Variants in PRX observed in about 807,000 individuals in gnomAD.
PRX encodes periaxin.
A neutral mutation model predicts 29.6 loss-of-function variants in PRX; 24 were observed. The observed-to-expected ratio is 0.81, with a 90% confidence interval of 0.59 to 1.14. The LOEUF (loss-of-function observed/expected upper bound fraction) is 1.14. PRX is among the 50% of genes most tolerant of loss of function. The pLI, the probability that PRX is intolerant of heterozygous loss-of-function variation, is 0.00. For missense variants in PRX, 1,838 were observed against 1,926.4 expected (o/e 0.95, Z 0.86); for synonymous variants, 772 against 831.7 (o/e 0.93, Z 1.24).
Position 40,397,782 on chromosome 19 carries a change from C to T in PRX, c.570G>A (p.Leu190=). The change falls in exon 7 of 7, where the codon CTG becomes CTA. Residue 190 remains leucine (L), a synonymous_variant. Transcript: ENST00000324001. ...CCACTTCTCGTACACGCAGCCGAGGCAGCTGGAGGCGCCGGCGGGCAGGGG... is the reference window on the plus strand; with the variant it reads ...CCACTTCTCGTACACGCAGCCGAGGTAGCTGGAGGCGCCGGCGGGCAGGGG... ...PAAPARRRLQ[L]PRLRVREVAE... 6.4e-7 allele frequency: 1 copy of T among 1,572,294 alleles called. No individual in the cohort carries two copies. The highest frequency in any genetic ancestry group is 8.6e-7 in the Non-Finnish European group (1 of 1,159,350).
At chr19:40,399,851 CTT>C (rs1309452024) in intron 5 of PRX, among the ~76,000 whole-genome samples, 1 of 12,706 alleles carries the variant, frequency 7.9e-5, no homozygotes, top group South Asian at 2.5e-3. Flanking sequence ...GCTTTCTTTC[CTT>C]TCTTTCTTTC....
In PRX at chr19:40,395,194, TC is replaced by T. The variant is rs1394825128; in HGVS notation, c.3157del (p.Asp1053MetfsTer4). ...CAGCTTGGGCATCTTCACCCTCCCA[TC>T]CCAGCCCCAGCCCTTGCCCTCCAAC... ...AELEGKGWGW[D>X]GRVKMPKLKM... On this transcript the variant is annotated frameshift_variant, in exon 7 of 7. Coordinates refer to ENST00000324001, the MANE Select transcript of PRX (RefSeq NM_181882.3). LOFTEE classifies it low-confidence loss of function (END_TRUNC). 1.2e-6 allele frequency: 2 copies of T among 1,613,880 alleles called. No individual in the cohort carries two copies. Among genetic ancestry groups the T allele is most frequent in the Non-Finnish European group, 1.7e-6 (2 of 1,179,990 alleles).
At chr19:40,408,105 G>A in intron 3 of PRX, 53 bp downstream of exon 3, 1 of 838,396 alleles carries the variant, frequency 1.2e-6, no homozygotes, top group Non-Finnish European at 1.9e-6. Context: ...CAGGGAGAAA[G>A]CAGGGTGGGT....
rs766472508 is a variant in PRX, at chr19:40,398,542, G to A, written c.381+78C>T. The A allele has an allele frequency of 6.3e-7, 1 of 1,594,862 alleles. No individual in the cohort carries two copies. Among genetic ancestry groups the A allele is most frequent in the East Asian group, 2.2e-5 (1 of 44,536 alleles). ...ACAGAGGGCAAGGCTGGCCCACGAT[G>A]GCGGGGAATGGGGCTCACGGCGCAG... On this transcript the variant is annotated intron_variant, in intron 6 of 6. Transcript: ENST00000324001. The surrounding 1 kb of genome is among the most constrained non-coding windows in gnomAD (Gnocchi z 6.3).
At chr19:40,413,588 G>A (rs2079569276), upstream of PRX, among the ~76,000 whole-genome samples, 1 of 152,180 alleles carries the variant, frequency 6.6e-6, no homozygotes, top group Admixed American at 6.6e-5. Context: ...CGAGATCTCT[G>A]CCATGAGCTC....
chr19:40,414,390 C>T (rs1401560249), upstream of PRX, among the ~76,000 whole-genome samples: 1 of 152,186 alleles, frequency 6.6e-6, no homozygotes, highest in Non-Finnish European at 1.5e-5. Context: ...TCCCAAAGTT[C>T]TGGGATTACA....
rs753330520 is a variant in PRX at position 40,397,430 on chromosome 19, T to C, written c.922A>G (p.Thr308Ala). ...PALPSLPTLP[T>A]LPCLETREGA... is the part of the protein sequence containing the mutation. The stretch of plus-strand genomic sequence containing the variant: ...TCCCGGGTCTCTAGGCAGGGAAGTG[T>C]GGGCAGAGTGGGCAGTGAGGGCAAG... Residue 308 changes from threonine (T) to alanine (A), a missense_variant, in exon 7 of 7, where the codon ACA (threonine) becomes GCA (alanine). Coordinates refer to ENST00000324001, the MANE Select transcript of PRX (RefSeq NM_181882.3). 64 of 1,599,400 alleles carry C rather than the reference T, an allele frequency of 4.0e-5. No individual in the cohort carries two copies. Among genetic ancestry groups the C allele is most frequent in the Non-Finnish European group, 5.4e-5 (63 of 1,174,090 alleles).
Position 40,410,215 on chromosome 19 carries a change from C to T in PRX, c.-242-1832G>A, listed in dbSNP as rs553625141. On this transcript the variant is annotated intron_variant, in intron 1 of 6. Coordinates refer to ENST00000324001, the MANE Select transcript of PRX (RefSeq NM_181882.3). ...TGGAGATGAATACTCTCTCCCCCAACCCCCGACTCTGGGCTTGTCCTCACA... is the reference window on the plus strand; with the variant it reads ...TGGAGATGAATACTCTCTCCCCCAATCCCCGACTCTGGGCTTGTCCTCACA... 5.3e-5 allele frequency among the ~76,000 whole-genome samples: 8 copies of T among 152,284 alleles called. No homozygotes were observed. In the South Asian group the frequency reaches 1.7e-3, roughly 32 times the overall value.
intron 1 of PRX, among the ~76,000 whole-genome samples, chr19:40,412,066 C>T (rs910794658): frequency 3.9e-5 from 6 of 152,214 alleles, no homozygotes; most frequent in East Asian, 1.9e-4. Context: ...GGTTGTCATT[C>T]GGAGGCTGCT....
At position 40,394,214 on chromosome 19, in the gene PRX, G is replaced by C; in HGVS notation, c.4138C>G (p.Arg1380Gly). 1 of 1,598,304 alleles carries C rather than the reference G, an allele frequency of 6.3e-7. No homozygotes were observed. Among genetic ancestry groups the C allele is most frequent in the Non-Finnish European group, 8.6e-7 (1 of 1,169,366 alleles). ...TTAGAAGGGGCCGCCAGGCCTACACGTGGCAAGCGGACCCGGACCCGGCCC... is the reference window on the plus strand; with the variant it reads ...TTAGAAGGGGCCGCCAGGCCTACACCTGGCAAGCGGACCCGGACCCGGCCC... ...RRGRVRVRLP[R>G]VGLAAPSKAS... Residue 1380 changes from arginine (R) to glycine (G), a missense_variant, in exon 7 of 7, where the codon CGT (arginine) becomes GGT (glycine). By Grantham distance (125) the Arg-to-Gly change is moderately radical. Coordinates refer to ENST00000324001, the MANE Select transcript of PRX (RefSeq NM_181882.3). This position sits in a 1 kb window ranked among gnomAD's most constrained non-coding sequence, Gnocchi z 5.8.
Position 40,397,507 on chromosome 19 carries a change from G to A in PRX, c.845C>T (p.Ala282Val). The part of the protein sequence containing the change: ...TLGLGAPAPP[A>V]VEAPAVGIQV... ...GATTCCCACGGCTGGGGCCTCCACA[G>A]CAGGCGGAGCCGGGGCTCCGAGCCC... Residue 282 changes from alanine to valine, a missense_variant, in exon 7 of 7, where the codon GCT becomes GTT. Coordinates refer to ENST00000324001, the MANE Select transcript of PRX (RefSeq NM_181882.3). The A allele has an allele frequency of 1.3e-6, 2 of 1,551,774 alleles. No individual in the cohort carries two copies. Among genetic ancestry groups the A allele is most frequent in the Non-Finnish European group, 8.7e-7 (1 of 1,150,166 alleles).
Position 40,394,147 on chromosome 19 carries a change from G to A in PRX, c.4205C>T (p.Pro1402Leu), listed in dbSNP as rs1386020145. 1 of 1,594,006 alleles carries A rather than the reference G, an allele frequency of 6.3e-7. No homozygotes were observed. The highest frequency in any genetic ancestry group is 2.2e-5 in the East Asian group (1 of 44,496). ...GAACTTGGGTGACTTCTCTCTGACGGGGGACTTGGGGGCTGCATCGCCCTC... is the reference window on the plus strand; with the variant it reads ...GAACTTGGGTGACTTCTCTCTGACGAGGGACTTGGGGGCTGCATCGCCCTC... ...GQEGDAAPKS[P>L]VREKSPKFRF... The change falls in exon 7 of 7, where the codon CCC becomes CTC. Residue 1402 changes from proline to leucine, a missense_variant. Around this residue, in one of 3 missense-constraint regions of PRX, gnomAD observed 1,143 missense variants for 1,193.0 expected, o/e 0.96. Transcript: ENST00000324001. This position sits in a 1 kb window ranked among gnomAD's most constrained non-coding sequence, Gnocchi z 5.8.
chr19:40,400,721 C>T (rs781443516), intron 5 of PRX, among the ~76,000 whole-genome samples: 1 of 152,012 alleles, frequency 6.6e-6, no homozygotes, highest in African/African-American at 2.4e-5. Context: ...CAAATGCAGG[C>T]CCGTGCCACC....
intron 4 of PRX, among the ~76,000 whole-genome samples, chr19:40,407,212 T>TTGTG (rs72256185): frequency 0.018 from 2,389 of 133,804 alleles, 38 homozygotes; most frequent in African/African-American, 0.031. Context: ...TTATATGCCC[T>TTGTG]TGTGTGTGTG....
rs1246683714 is a variant in PRX, at chr19:40,397,747, G to T, written c.605C>A (p.Ala202Asp). 2 of 1,563,786 alleles carry T rather than the reference G, an allele frequency of 1.3e-6. No homozygotes were observed. Among genetic ancestry groups the T allele is most frequent in the African/African-American group, 1.3e-5 (1 of 74,260 alleles). Reference sequence around the variant, plus strand: ...GGCGGCGGCCAGCCGGGCTGCCTGAGCCTCTTCGGCCACTTCTCGTACACG... The same window carrying T: ...GGCGGCGGCCAGCCGGGCTGCCTGATCCTCTTCGGCCACTTCTCGTACACG... The part of the protein sequence containing the change: ...RLRVREVAEE[A>D]QAARLAAAAP... Residue 202 changes from alanine (A) to aspartate (D), a missense_variant, in exon 7 of 7, where the codon GCT becomes GAT. Transcript: ENST00000324001.
intron 5 of PRX, among the ~76,000 whole-genome samples, chr19:40,402,900 T>C (rs913308595): frequency 6.6e-6 from 1 of 152,026 alleles, no homozygotes; most frequent in African/African-American, 2.4e-5. Context: ...TGGGGCACGG[T>C]GGCTCACGCC....
At chr19:40,401,747 T>C (rs2079495227) in intron 5 of PRX, among the ~76,000 whole-genome samples, 1 of 151,350 alleles carries the variant, frequency 6.6e-6, no homozygotes, top group South Asian at 2.1e-4. Context: ...CCTTTAGCCT[T>C]TTCACCCTTT....
Position 40,402,643 on chromosome 19 carries a change from C to T in PRX, c.184+1063G>A, listed in dbSNP as rs909956413. 2.8e-4 allele frequency among the ~76,000 whole-genome samples: 42 copies of T among 150,618 alleles called. 1 individual carries two copies. Among genetic ancestry groups the T allele is most frequent in the Admixed American group, 8.6e-4 (13 of 15,116 alleles). On this transcript the variant is annotated intron_variant, in intron 5 of 6. Transcript: ENST00000324001. The stretch of plus-strand genomic sequence containing the variant: ...AAAATTAGCCGGGCGTGGTTGTGGG[C>T]GCCTGTAGTCCCTCCCAGCTACTAG...
At chr19:40,407,865 A>G in intron 4 of PRX, 41 bp downstream of exon 4, 1 of 1,611,756 alleles carries the variant, frequency 6.2e-7, no homozygotes, top group East Asian at 2.2e-5. Context: ...GTGCCTCCCC[A>G]TTGCCCTCAA....
Sources: allele counts gnomAD v4.1 joint callset (sites outside exome capture counted in the v4.1 genomes callset), GRCh38; gene constraint gnomAD v4.1.1; regional missense constraint gnomAD v4.1.1; non-coding constraint Gnocchi (gnomAD v3.1); transcripts MANE v1.5; gene names NCBI Gene and HGNC (gene_info 2026-07-23, HGNC 2026-07-21).